NTM: variants seen among roughly 807,000 people sequenced by gnomAD.
NTM encodes neurotrimin, also known as IgLON family member 2.
Under a neutral mutation model 42.1 loss-of-function variants are expected in NTM, and 13 were observed. The ratio of observed to expected loss-of-function variants is 0.31; its 90% CI spans 0.20 to 0.49. The LOEUF is 0.49. NTM is among the 20% of genes least tolerant of loss of function. The pLI is 0.99. For missense variants in NTM, 373 were observed against 452.8 expected, an observed-to-expected ratio of 0.82 and a Z score of 1.60; for synonymous variants, 187 against 179.2, an observed-to-expected ratio of 1.04 and a Z score of -0.35.
intron 1 of NTM, among the ~76,000 whole-genome samples, chr11:131,383,274 A>G (rs1052551181): frequency 1.3e-5 from 2 of 152,176 alleles, no homozygotes; most frequent in Non-Finnish European, 2.9e-5. Context: ...TGTTCAGACC[A>G]TACTAGGTAT....
At chr11:132,023,266 C>T (rs568052692) in intron 2 of NTM, among the ~76,000 whole-genome samples, 10 of 152,338 alleles carry the variant, frequency 6.6e-5, no homozygotes, top group African/African-American at 2.4e-4. Context: ...ACAACAGCAG[C>T]TCTCCATGTG....
chr11:132,040,682 A>G (rs1248474179), intron 2 of NTM, among the ~76,000 whole-genome samples: 1 of 152,192 alleles, frequency 6.6e-6, no homozygotes, highest in Admixed American at 6.5e-5. Context: ...ACAGTCTATT[A>G]TAACACTTAT....
chr11:132,235,995 C>CAT, intron 4 of NTM, among the ~76,000 whole-genome samples: 1 of 128,034 alleles, frequency 7.8e-6, no homozygotes, highest in Admixed American at 7.7e-5. Flanking sequence ...CACACACAGA[C>CAT]ACACACACAC....
At chr11:131,933,426 T>C (rs534251725) in intron 2 of NTM, among the ~76,000 whole-genome samples, 1 of 152,312 alleles carries the variant, frequency 6.6e-6, no homozygotes, top group South Asian at 2.1e-4. Flanking sequence ...GACCATCTAG[T>C]TTCCCCGCCA....
intron 8 of NTM, among the ~76,000 whole-genome samples, chr11:132,334,367 G>A (rs1056221824): frequency 6.6e-6 from 1 of 152,226 alleles, no homozygotes; most frequent in African/African-American, 2.4e-5. Context: ...AAGGCTTCCT[G>A]TTCCTTTGTT....
At chr11:131,525,687 T>G (rs2050377772) in intron 1 of NTM, among the ~76,000 whole-genome samples, 1 of 152,208 alleles carries the variant, frequency 6.6e-6, no homozygotes, top group Admixed American at 6.5e-5. Context: ...CACTGGGGCA[T>G]GAGGTAATGG....
chr11:131,769,939 G>A (rs1257034137), intron 1 of NTM, among the ~76,000 whole-genome samples: 1 of 152,066 alleles, frequency 6.6e-6, no homozygotes, highest in Non-Finnish European at 1.5e-5. Context: ...CAGGCTGCTC[G>A]CCACCTTTTG....
At chr11:131,801,006 G>C (rs2092060205) in intron 1 of NTM, among the ~76,000 whole-genome samples, 1 of 152,042 alleles carries the variant, frequency 6.6e-6, no homozygotes, top group South Asian at 2.1e-4. Context: ...ATTTCTGTTG[G>C]GACTCTCAGA....
In NTM at chr11:131,895,830, G is replaced by C. The variant is rs965049624; in HGVS notation, c.83-15734G>C. Among the ~76,000 whole-genome samples the C allele has an allele frequency of 6.6e-5, 10 of 152,222 alleles. No individual in the cohort carries two copies. In the East Asian group the frequency reaches 1.7e-3, roughly 26 times the overall value. On this transcript the variant is annotated intron_variant, in intron 1 of 8. Transcript: ENST00000683400. ...GAACTGGTTCTTGAAACCTGAATAG[G>C]ATTTAGAAAGCTGTGGATGGTAGGA...
At chr11:131,856,468 A>G (rs1327864314) in intron 1 of NTM, among the ~76,000 whole-genome samples, 1 of 152,188 alleles carries the variant, frequency 6.6e-6, no homozygotes, top group African/African-American at 2.4e-5. Context: ...TCTCCTTCAA[A>G]TAAAGGCATA....
intron 2 of NTM, among the ~76,000 whole-genome samples, chr11:131,936,195 A>G (rs1368044424): frequency 6.6e-6 from 1 of 152,204 alleles, no homozygotes; most frequent in African/African-American, 2.4e-5. Flanking sequence ...GCAACTTGTC[A>G]TTAACGTTGG....
intron 1 of NTM, among the ~76,000 whole-genome samples, chr11:131,382,644 A>G (rs1942827769): frequency 2.6e-5 from 4 of 152,202 alleles, no homozygotes; most frequent in Non-Finnish European, 5.9e-5. Flanking sequence ...TCCACTTTCT[A>G]AGAGATGACT....
intron 1 of NTM, among the ~76,000 whole-genome samples, chr11:131,633,682 T>C (rs1177006787): frequency 4.4e-5 from 5 of 112,818 alleles, no homozygotes; most frequent in Middle Eastern, 4.8e-3. Flanking sequence ...TCCCTCCCTC[T>C]CTCTCTCTCT....
At chr11:131,877,730 T>A (rs2048749050) in intron 1 of NTM, 3 of 152,258 alleles carry the variant, frequency 2.0e-5, no homozygotes, top group Admixed American at 2.0e-4. Flanking sequence ...AACTCGTATA[T>A]GTTTCATTGC....
chr11:131,520,889 C>T (rs2049550926), intron 1 of NTM, among the ~76,000 whole-genome samples: 1 of 152,040 alleles, frequency 6.6e-6, no homozygotes, highest in African/African-American at 2.4e-5. Context: ...TTATTTGGCT[C>T]ATGATTTTGT....
intron 7 of NTM, chr11:132,317,610 G>C (rs2095464799): frequency 8.3e-7 from 1 of 1,211,744 alleles, no homozygotes; most frequent in Non-Finnish European, 1.1e-6. Context: ...TAATATATGT[G>C]TTTGTTCTCA....
At chr11:131,796,263 C>A in intron 1 of NTM, 1 of 742,820 alleles carries the variant, frequency 1.3e-6, no homozygotes, top group South Asian at 6.0e-5. Context: ...CCAGCCCTCT[C>A]AGGAGTAGAG....
chr11:131,537,006 A>G (rs434740), intron 1 of NTM: 124,354 of 151,984 alleles, frequency 0.82, 51,089 homozygotes, highest in African/African-American at 0.84. Context: ...GGTGCCCGTG[A>G]ACTCAGACCA....
In NTM at chr11:131,769,719, G is replaced by A. The variant is rs151179132; in HGVS notation, c.83-141845G>A. 2.1e-3 allele frequency: 549 copies of A among 255,604 alleles called. 3 individuals carry two copies. The highest frequency in any genetic ancestry group is 0.011 in the African/African-American group (499 of 43,450). 15.8% of individuals were successfully genotyped at this position (255,604 alleles called of 1,614,324 possible). A position where few individuals can be genotyped will look rare whatever the true frequency, so the allele number is the denominator to read the frequency against. On this transcript the variant is annotated intron_variant, in intron 1 of 8. Transcript: ENST00000683400. ...AAGCACACAAGGCGGCACAGCCAGT[G>A]ACTTGGATCAAGGCCTTTGGTGTCA...
Sources: gnomAD v4.1 joint callset for allele counts (sites outside exome capture counted in the v4.1 genomes callset) on GRCh38, gnomAD v4.1.1 for gene constraint, MANE v1.5 for transcripts, NCBI Gene and HGNC (gene_info 2026-07-23, HGNC 2026-07-21) for gene names.